Variants in SPATC1 observed in about 807,000 individuals in gnomAD.
The protein encoded by SPATC1 is spermatogenesis and centriole associated 1.
SPATC1 carries 35 observed loss-of-function variants against 36.5 expected under a neutral mutation model. The ratio of observed to expected loss-of-function variants is 0.96; its 90% CI spans 0.73 to 1.27. SPATC1 has a LOEUF of 1.27. Among genes scored for constraint, SPATC1 ranks in the 50% most tolerant of loss-of-function variants. The pLI is 0.00. For synonymous variants in SPATC1, 361 were observed against 353.6 expected, an observed-to-expected ratio of 1.02 and a Z score of -0.24; for missense variants, 779 against 796.0, an observed-to-expected ratio of 0.98 and a Z score of 0.26.
Position 144,046,947 on chromosome 8 carries a change from C to T in SPATC1, c.1767C>T (p.Phe589=), listed in dbSNP as rs113163295. The T allele has an allele frequency of 2.0e-5, 32 of 1,596,268 alleles. No individual in the cohort carries two copies. The African/African-American group carries it at 2.7e-4, about 13-fold the overall frequency. The part of the protein sequence containing the change: ...QLAHDDGKPM[F]IW Reference sequence around the variant, plus strand: ...CGCACGATGACGGCAAGCCCATGTTCATCTGGTGACGCTGGAGCTGGGAGG... The same window carrying T: ...CGCACGATGACGGCAAGCCCATGTTTATCTGGTGACGCTGGAGCTGGGAGG... The change falls in exon 5 of 5, where the codon TTC becomes TTT. Residue 589 remains phenylalanine (F), a synonymous_variant. Coordinates refer to ENST00000377470, the MANE Select transcript of SPATC1 (RefSeq NM_198572.3). The surrounding 1 kb of genome is among the most constrained non-coding windows in gnomAD (Gnocchi z 6.6).
Position 144,012,288 on chromosome 8 carries a change from G to T in SPATC1, c.-228G>T. ...ACAGAGAAAAGGTCAGGACATTCCA[G>T]GCCGAGGCAAGGCCTGTGTACAGGC... On this transcript the variant is annotated 5_prime_UTR_variant, in exon 1 of 5. It adds an upstream start codon to the 5' untranslated region. Coordinates refer to ENST00000377470, the MANE Select transcript of SPATC1 (RefSeq NM_198572.3). The T allele has an allele frequency of 1.8e-6, 1 of 559,064 alleles. No individual in the cohort carries two copies. The highest frequency in any genetic ancestry group is 3.2e-6 in the Non-Finnish European group (1 of 312,114). 34.6% of individuals were successfully genotyped at this position (559,064 alleles called of 1,614,324 possible). A position where few individuals can be genotyped will look rare whatever the true frequency, so the allele number is the denominator to read the frequency against.
In SPATC1 at chr8:144,012,532, A is replaced by T. The variant is rs1554752596; in HGVS notation, c.17A>T (p.Asn6Ile). 1.3e-6 allele frequency: 2 copies of T among 1,551,756 alleles called. No individual in the cohort carries two copies. Among genetic ancestry groups the T allele is most frequent in the Non-Finnish European group, 1.7e-6 (2 of 1,146,996 alleles). Residue 6 changes from asparagine to isoleucine, a missense_variant, in exon 1 of 5, where the codon AAT (asparagine) becomes ATT (isoleucine). Transcript: ENST00000377470. ...CCCCAGGGCATGTCTCTACTCACCA[A>T]TTATGAAGGGCTTCGGCATCAGATA... is the stretch of plus-strand genomic sequence containing the variant. MSLLT[N>I]YEGLRHQIER...
rs376239665 is a variant in SPATC1 at position 144,046,509 on chromosome 8, C to T, written c.1447-118C>T. ...GAGGTCTGTCGCAGAACCTCCCCAC[C>T]GCACACCCCTCGGATCCTGGCCATC... On this transcript the variant is annotated intron_variant, in intron 4 of 4. Transcript: ENST00000377470. The surrounding 1 kb of genome is among the most constrained non-coding windows in gnomAD (Gnocchi z 6.6). The T allele has an allele frequency of 5.6e-5, 53 of 954,746 alleles. No individual in the cohort carries two copies. The African/African-American group carries it at 6.2e-4, about 11-fold the overall frequency. 59.1% of individuals were successfully genotyped at this position (954,746 alleles called of 1,614,324 possible). A position where few individuals can be genotyped will look rare whatever the true frequency, so the allele number is the denominator to read the frequency against.
chr8:144,020,703 T>TCCTCTGCCCTCAGGAG (rs1834501613), intron 1 of SPATC1, among the ~76,000 whole-genome samples: 1 of 15,448 alleles, frequency 6.5e-5, no homozygotes, highest in African/African-American at 1.7e-4. Context: ...TCCCTCAGGA[T>TCCTCTGCCCTCAGGAG]CCTCTTCCCT....
chr8:144,028,592 T>G (rs1834731477), intron 1 of SPATC1, among the ~76,000 whole-genome samples: 1 of 152,220 alleles, frequency 6.6e-6, no homozygotes, highest in Admixed American at 6.5e-5. Flanking sequence ...AGAATATTTT[T>G]ACACTGTTGG....
rs782765530 is a variant in SPATC1, at chr8:144,040,751, T to G, written c.950T>G (p.Val317Gly). Residue 317 changes from valine to glycine, a missense_variant, in exon 3 of 5, where the codon GTG becomes GGG. Physicochemically the swap from Val to Gly is moderately radical, Grantham distance 109. Transcript: ENST00000377470. ...QAQPSAAQEQVVPASVPTSPT... is the reference protein window; with the variant it reads ...QAQPSAAQEQGVPASVPTSPT... ...CAGCCCAGTGCCGCCCAGGAACAAG[T>G]GGTCCCTGCATCTGTCCCCACCTCC... 2.5e-6 allele frequency: 4 copies of G among 1,612,054 alleles called. No individual in the cohort carries two copies. In the South Asian group the frequency reaches 4.4e-5, roughly 18 times the overall value.
At chr8:144,034,585 C>G (rs1834861418) in intron 1 of SPATC1, among the ~76,000 whole-genome samples, 1 of 152,140 alleles carries the variant, frequency 6.6e-6, no homozygotes, top group African/African-American at 2.4e-5. Flanking sequence ...TTACCCACCT[C>G]TTTTTCAGAG....
At chr8:144,020,952 A>C (rs1384392925) in intron 1 of SPATC1, among the ~76,000 whole-genome samples, 117 of 25,086 alleles carry the variant, frequency 4.7e-3, no homozygotes, top group African/African-American at 5.8e-3. Flanking sequence ...AAGTACCTCT[A>C]CCCTCAGTAC....
Position 144,012,505 on chromosome 8 carries a change from T to C in SPATC1, c.-11T>C. 6.4e-7 allele frequency: 1 copy of C among 1,551,516 alleles called. No individual in the cohort carries two copies. ...CTCCCGTGGGCCGCACCCTTGCCAC[T>C]GCCCCAGGGCATGTCTCTACTCACC... On this transcript the variant is annotated 5_prime_UTR_variant, in exon 1 of 5. Transcript: ENST00000377470.
chr8:144,020,093 C>G (rs1031608308), intron 1 of SPATC1, among the ~76,000 whole-genome samples: 83 of 151,268 alleles, frequency 5.5e-4, no homozygotes, highest in African/African-American at 2.0e-3. Context: ...CGTCAATACC[C>G]CACAAGACTC....
intron 1 of SPATC1, among the ~76,000 whole-genome samples, chr8:144,028,444 A>G (rs1343779958): frequency 6.6e-6 from 1 of 152,216 alleles, no homozygotes; most frequent in African/African-American, 2.4e-5. Context: ...CAACGAACAT[A>G]TGAAAAAAAG....
In SPATC1 at chr8:144,046,067, C is replaced by T. The variant is rs1250324644; in HGVS notation, c.1447-560C>T. Among the ~76,000 whole-genome samples, 1 of 152,190 alleles carries T rather than the reference C, an allele frequency of 6.6e-6. No individual in the cohort carries two copies. Among genetic ancestry groups the T allele is most frequent in the East Asian group, 1.9e-4 (1 of 5,182 alleles). Reference sequence around the variant, plus strand: ...ACAGGCCCCTCAGCGCTGGGGCCAACACTTGCCTGGGGTTGTCAGTTCAGT... The same window carrying T: ...ACAGGCCCCTCAGCGCTGGGGCCAATACTTGCCTGGGGTTGTCAGTTCAGT... On this transcript the variant is annotated intron_variant, in intron 4 of 4. Transcript: ENST00000377470. This position sits in a 1 kb window ranked among gnomAD's most constrained non-coding sequence, Gnocchi z 6.6.
chr8:144,031,100 TTACCTCC>T (rs1262236973), intron 1 of SPATC1, among the ~76,000 whole-genome samples: 1 of 152,178 alleles, frequency 6.6e-6, no homozygotes, highest in Non-Finnish European at 1.5e-5. Flanking sequence ...GCATATGTAG[TTACCTCC>T]ATTGGTGTTA....
At chr8:144,041,209 C>T in intron 3 of SPATC1, 23 bp from the exon 4 acceptor site, 1 of 1,612,616 alleles carries the variant, frequency 6.2e-7, no homozygotes, top group Non-Finnish European at 8.5e-7. Context: ...CTCACCTGGG[C>T]TGACGAGACC....
chr8:144,047,035 C>G lies in SPATC1; in HGVS notation c.*79C>G. The G allele has an allele frequency of 6.7e-7, 1 of 1,494,742 alleles. No individual in the cohort carries two copies. Among genetic ancestry groups the G allele is most frequent in the Non-Finnish European group, 9.0e-7 (1 of 1,116,702 alleles). The allele number at this position is 1,494,742 out of a possible 1,614,324, so 92.6% of individuals were successfully genotyped here. ...ATTAAAGCTTCCCACAGACACTGGTCGCTGGGCCTGTGCCAGCGCTCCTGG... is the reference window on the plus strand; with the variant it reads ...ATTAAAGCTTCCCACAGACACTGGTGGCTGGGCCTGTGCCAGCGCTCCTGG... On this transcript the variant is annotated 3_prime_UTR_variant, in exon 5 of 5. Transcript: ENST00000377470. This position sits in a 1 kb window ranked among gnomAD's most constrained non-coding sequence, Gnocchi z 4.1.
At chr8:144,021,268 C>CCCTCT (rs1834525683) in intron 1 of SPATC1, among the ~76,000 whole-genome samples, 1 of 37,472 alleles carries the variant, frequency 2.7e-5, no homozygotes, top group Non-Finnish European at 6.1e-5. Context: ...TCCTTCAGGA[C>CCCTCT]CCCCTTCCCT....
At chr8:144,021,300 C>T (rs1310976836) in intron 1 of SPATC1, among the ~76,000 whole-genome samples, 45 of 120,572 alleles carry the variant, frequency 3.7e-4, no homozygotes, top group Admixed American at 8.1e-4. Context: ...CCCCTCAGGA[C>T]CCTCTTCCCT....
chr8:144,029,311 G>A (rs1183661879), intron 1 of SPATC1, among the ~76,000 whole-genome samples: 1 of 150,496 alleles, frequency 6.6e-6, no homozygotes, highest in Non-Finnish European at 1.5e-5. Flanking sequence ...GCTCACGCCT[G>A]TAATCCCAGC....
chr8:144,041,964 TTTTG>T (rs1482584360), intron 4 of SPATC1: 4 of 985,040 alleles, frequency 4.1e-6, no homozygotes, highest in South Asian at 4.7e-5. Flanking sequence ...GTGTGTGGGA[TTTTG>T]TTTGTTTGTT....
Sources: allele counts gnomAD v4.1 joint callset (sites outside exome capture counted in the v4.1 genomes callset), GRCh38; gene constraint gnomAD v4.1.1; non-coding constraint Gnocchi (gnomAD v3.1); transcripts MANE v1.5; gene names NCBI Gene and HGNC (gene_info 2026-07-23, HGNC 2026-07-21).